The following FUT8 variants were observed in gnomAD, a reference collection of about 807,000 sequenced individuals.
The protein encoded by FUT8 is fucosyltransferase 8, also known as alpha-(1,6)-fucosyltransferase.
FUT8 carries 29 observed loss-of-function variants against 71.3 expected under a neutral mutation model. The observed-to-expected ratio is 0.41, with a 90% confidence interval of 0.30 to 0.55. The LOEUF is 0.55. FUT8 is among the 20% of genes least tolerant of loss of function. The probability of loss-of-function intolerance (pLI) is 0.34; values close to 1 mark genes in which losing one functional copy is unlikely to be tolerated. For synonymous variants in FUT8, 254 were observed against 239.3 expected (o/e 1.06, Z -0.57); for missense variants, 544 against 702.1 (o/e 0.77, Z 2.55).
At chr14:65,549,692 T>C (rs1885178809) in intron 2 of FUT8, among the ~76,000 whole-genome samples, 1 of 152,206 alleles carries the variant, frequency 6.6e-6, no homozygotes, top group South Asian at 2.1e-4. Flanking sequence ...TTGCCTTTTA[T>C]CATTTGAACG....
At chr14:65,523,354 T>G (rs1883214199) in intron 2 of FUT8, among the ~76,000 whole-genome samples, 2 of 152,266 alleles carry the variant, frequency 1.3e-5, no homozygotes, top group Non-Finnish European at 2.9e-5. Flanking sequence ...ATGTGTCTGT[T>G]GGCTGCATAA....
At chr14:65,400,711 C>T in the FUT8 span, among the ~76,000 whole-genome samples, 216 of 152,192 alleles carry the variant, frequency 1.4e-3, no homozygotes, top group Non-Finnish European at 2.6e-3. Flanking sequence ...CATAGAGAGA[C>T]GCTGTCTCTA....
intron 10 of FUT8, among the ~76,000 whole-genome samples, chr14:65,741,725 T>A (rs1340720888): frequency 2.6e-5 from 4 of 152,008 alleles, no homozygotes; most frequent in Non-Finnish European, 4.4e-5. Context: ...GGGCACAAAC[T>A]ATGTCTTACT....
At chr14:65,735,309 A>T (rs142130798) in intron 10 of FUT8, among the ~76,000 whole-genome samples, 1 of 152,096 alleles carries the variant, frequency 6.6e-6, no homozygotes, top group East Asian at 1.9e-4. Flanking sequence ...CTGTCACTTC[A>T]TGATGGTAGA....
At chr14:65,689,466 G>C (rs575963075) in intron 7 of FUT8, among the ~76,000 whole-genome samples, 1 of 152,138 alleles carries the variant, frequency 6.6e-6, no homozygotes, top group Non-Finnish European at 1.5e-5. Flanking sequence ...TTGGATATAA[G>C]TTCTTTCATC....
At chr14:65,364,728 C>A in the FUT8 span, among the ~76,000 whole-genome samples, 1 of 152,168 alleles carries the variant, frequency 6.6e-6, no homozygotes, top group African/African-American at 2.4e-5. Flanking sequence ...CAGAGTATGA[C>A]AGGACCACAC....
chr14:65,553,547 C>A (rs1228655445), intron 2 of FUT8, among the ~76,000 whole-genome samples: 5 of 151,934 alleles, frequency 3.3e-5, no homozygotes, highest in Non-Finnish European at 7.4e-5. Flanking sequence ...GTATCATACT[C>A]CTCCTTGAAA....
chr14:65,518,112 T>C (rs1344360527), intron 2 of FUT8, among the ~76,000 whole-genome samples: 1 of 152,232 alleles, frequency 6.6e-6, no homozygotes, highest in African/African-American at 2.4e-5. Context: ...ATTGGACTTT[T>C]AGGGTTTTTC....
chr14:65,738,582 A>G (rs1240868379), intron 10 of FUT8, among the ~76,000 whole-genome samples: 3 of 152,062 alleles, frequency 2.0e-5, no homozygotes, highest in East Asian at 1.9e-4. Flanking sequence ...TTTGCAAACC[A>G]TGGACTGCTC....
At chr14:65,386,083 C>T in the FUT8 span, among the ~76,000 whole-genome samples, 1 of 151,260 alleles carries the variant, frequency 6.6e-6, no homozygotes, top group East Asian at 2.0e-4. Flanking sequence ...GCCCAGGAGG[C>T]GGAGGTTGCA....
At chr14:65,522,904 A>G (rs148955747) in intron 2 of FUT8, among the ~76,000 whole-genome samples, 7 of 152,242 alleles carry the variant, frequency 4.6e-5, no homozygotes, top group African/African-American at 1.4e-4. Flanking sequence ...ACATGAACTC[A>G]TCCTTTTTTA....
intron 3 of FUT8, among the ~76,000 whole-genome samples, chr14:65,576,001 G>A (rs549532894): frequency 1.3e-5 from 2 of 152,282 alleles, no homozygotes; most frequent in South Asian, 4.2e-4. Context: ...CCGCAAGTAA[G>A]TATAGCTTTT....
intron 1 of FUT8, among the ~76,000 whole-genome samples, chr14:65,452,039 C>G (rs1408031770): frequency 6.6e-6 from 1 of 152,146 alleles, no homozygotes; most frequent in Non-Finnish European, 1.5e-5. Context: ...CTCTGTCCCC[C>G]GTTCCTGTCA....
intron 2 of FUT8, among the ~76,000 whole-genome samples, chr14:65,490,675 A>C (rs2066469117): frequency 6.6e-6 from 1 of 152,140 alleles, no homozygotes; most frequent in South Asian, 2.1e-4. Flanking sequence ...AACTAAATAC[A>C]CATCTATGTC....
chr14:65,711,629 T>C (rs1894815492), intron 7 of FUT8, among the ~76,000 whole-genome samples: 1 of 152,202 alleles, frequency 6.6e-6, no homozygotes, highest in Non-Finnish European at 1.5e-5. Context: ...TACAGCTTAA[T>C]TTAAAATGCA....
chr14:65,540,447 A>C (rs1884608820), intron 2 of FUT8, among the ~76,000 whole-genome samples: 1 of 152,210 alleles, frequency 6.6e-6, no homozygotes, highest in South Asian at 2.1e-4. Flanking sequence ...TTGAAAGTGT[A>C]ATAACTGGAG....
chr14:65,529,014 A>C (rs1387467921), intron 2 of FUT8: 1 of 158,452 alleles, frequency 6.3e-6, no homozygotes, highest in African/African-American at 2.4e-5. Context: ...TTATCCTAAT[A>C]GTCTCACAGA....
chr14:65,385,663 T>C, the FUT8 span, among the ~76,000 whole-genome samples: 3 of 152,302 alleles, frequency 2.0e-5, no homozygotes, highest in South Asian at 2.1e-4. Flanking sequence ...GCAGAAGTTA[T>C]AATTGTCTTA....
At chr14:65,737,805 A>G (rs1378781244) in intron 10 of FUT8, among the ~76,000 whole-genome samples, 1 of 152,080 alleles carries the variant, frequency 6.6e-6, no homozygotes, top group Non-Finnish European at 1.5e-5. Flanking sequence ...CCTTTATGGC[A>G]GTTATTACAA....
Sources: allele counts gnomAD v4.1 joint callset (sites outside exome capture counted in the v4.1 genomes callset), GRCh38; gene constraint gnomAD v4.1.1; transcripts MANE v1.5; gene names NCBI Gene and HGNC (gene_info 2026-07-23, HGNC 2026-07-21).